The following LMLN variants were observed in gnomAD, a reference collection of about 807,000 sequenced individuals.
LMLN encodes the protein leishmanolysin-like peptidase.
In LMLN, 70 loss-of-function variants were observed where a neutral mutation model predicts 92.3. That is an observed-to-expected ratio of 0.76 (90% CI 0.63 to 0.92). LMLN has a LOEUF of 0.92. Among genes scored for constraint, LMLN ranks in the 40% least tolerant of loss-of-function variants. The pLI is 0.00. For synonymous variants in LMLN, 308 were observed against 296.2 expected (o/e 1.04, Z -0.41); for missense variants, 691 against 814.6 (o/e 0.85, Z 1.85).
intron 11 of LMLN, among the ~76,000 whole-genome samples, chr3:198,011,394 A>G (rs1200180128): frequency 6.6e-6 from 1 of 151,776 alleles, no homozygotes; most frequent in Non-Finnish European, 1.5e-5. Flanking sequence ...TGTCCTTGTG[A>G]TAGTTTGCTG....
intron 11 of LMLN, among the ~76,000 whole-genome samples, chr3:198,007,176 T>C (rs1402247870): frequency 6.6e-6 from 1 of 152,238 alleles, no homozygotes; most frequent in African/African-American, 2.4e-5. Flanking sequence ...GTAGGGCAAA[T>C]GTTTTTAGTT....
intron 1 of LMLN, 127 bp downstream of exon 1, chr3:197,960,567 T>C: frequency 1.2e-6 from 1 of 832,834 alleles, no homozygotes; most frequent in East Asian, 2.7e-5. Context: ...AGCCTGACTC[T>C]TACAGGCCTG....
At chr3:197,962,765 TC>T (rs936577276) in intron 1 of LMLN, among the ~76,000 whole-genome samples, 2 of 149,456 alleles carry the variant, frequency 1.3e-5, no homozygotes, top group African/African-American at 2.4e-5. Context: ...GGGATCAATA[TC>T]CTTTTTTTTT....
chr3:197,979,413 C>T (rs1473092807), intron 5 of LMLN, among the ~76,000 whole-genome samples: 1 of 152,156 alleles, frequency 6.6e-6, no homozygotes, highest in African/African-American at 2.4e-5. Flanking sequence ...GTGACTCACG[C>T]CTGTAATCCC....
At chr3:197,984,466 C>T (rs1423632056) in intron 7 of LMLN, among the ~76,000 whole-genome samples, 2 of 151,466 alleles carry the variant, frequency 1.3e-5, no homozygotes, top group Admixed American at 6.6e-5. Context: ...TATATAGATA[C>T]GGCAGAGCCC....
chr3:197,991,541 C>T (rs1721872197), intron 9 of LMLN, among the ~76,000 whole-genome samples: 1 of 152,114 alleles, frequency 6.6e-6, no homozygotes, highest in South Asian at 2.1e-4. Flanking sequence ...ACTTCTTATT[C>T]AGGGGAGGTC....
intron 14 of LMLN, among the ~76,000 whole-genome samples, chr3:198,028,430 G>T (rs1474266640): frequency 2.0e-5 from 3 of 152,178 alleles, no homozygotes; most frequent in Non-Finnish European, 4.4e-5. Flanking sequence ...CTAAATAATT[G>T]CTGAGACTAA....
intron 11 of LMLN, among the ~76,000 whole-genome samples, chr3:198,002,108 T>C (rs1446799758): frequency 6.6e-6 from 1 of 152,206 alleles, no homozygotes; most frequent in Non-Finnish European, 1.5e-5. Flanking sequence ...TTGCTTTCAA[T>C]TAAATTTGTC....
At chr3:197,966,538 T>A (rs1721065936) in intron 1 of LMLN, among the ~76,000 whole-genome samples, 1 of 151,710 alleles carries the variant, frequency 6.6e-6, no homozygotes, top group African/African-American at 2.4e-5. Context: ...TACCTAGTTT[T>A]CTAAGAGTTT....
chr3:198,009,443 CT>C (rs1205801929), intron 11 of LMLN, among the ~76,000 whole-genome samples: 1 of 152,080 alleles, frequency 6.6e-6, no homozygotes, highest in East Asian at 1.9e-4. Context: ...TTTGTACCAT[CT>C]TTGTCTAGTT....
At chr3:197,963,736 A>C (rs1720971007) in intron 1 of LMLN, among the ~76,000 whole-genome samples, 1 of 152,198 alleles carries the variant, frequency 6.6e-6, no homozygotes, top group Admixed American at 6.5e-5. Flanking sequence ...ATAAATAGGA[A>C]CAATTTTTGT....
exon 16 of LMLN, chr3:198,038,955 A>G (rs1342976534): frequency 1.6e-5 from 5 of 316,510 alleles, no homozygotes. Flanking sequence ...TCAGCAACCC[A>G]GCCACCTTCA....
At chr3:198,030,009 T>G (rs1723036763) in intron 14 of LMLN, among the ~76,000 whole-genome samples, 1 of 150,660 alleles carries the variant, frequency 6.6e-6, no homozygotes, top group Non-Finnish European at 1.5e-5. Flanking sequence ...TGCCTAGCTG[T>G]TTTTTTTTAT....
At position 198,024,729 on chromosome 3, in the gene LMLN, G is replaced by A. The variant is rs766995264; in HGVS notation, c.1597G>A (p.Val533Ile). Residue 533 changes from valine to isoleucine, a missense_variant, in exon 14 of 16, where the codon GTT becomes ATT. Coordinates refer to ENST00000330198, the Ensembl canonical transcript of LMLN. ...TTGTCTAATTCAGAAATCAGCATTC[G>A]TTATGGAGAAGTGTGAGAGGAAGCT... 48 of 1,612,338 alleles carry A rather than the reference G, an allele frequency of 3.0e-5. No homozygotes were observed. The South Asian group carries it at 4.3e-4, about 14-fold the overall frequency.
rs181471741 is a variant in LMLN at position 197,986,870 on chromosome 3, C to T, written c.929+980C>T. Reference sequence around the variant, plus strand: ...TTTTTTTTTTTTTTTGAGACAGTCTCGCTCTGTCGTTCAGGCTGGAGTGCA... The same window carrying T: ...TTTTTTTTTTTTTTTGAGACAGTCTTGCTCTGTCGTTCAGGCTGGAGTGCA... On this transcript the variant is annotated intron_variant, in intron 8 of 15. Transcript: ENST00000330198. 3.8e-4 allele frequency among the ~76,000 whole-genome samples: 55 copies of T among 145,630 alleles called. No individual in the cohort carries two copies. The East Asian group carries it at 7.7e-3, about 20-fold the overall frequency.
chr3:198,015,739 A>C (rs1039513343), intron 11 of LMLN, among the ~76,000 whole-genome samples: 2 of 151,634 alleles, frequency 1.3e-5, no homozygotes, highest in African/African-American at 4.9e-5. Context: ...GAGTCCCCTA[A>C]CTAGTCTGAC....
intron 1 of LMLN, among the ~76,000 whole-genome samples, chr3:197,973,605 T>C (rs1721290657): frequency 6.6e-6 from 1 of 152,086 alleles, no homozygotes; most frequent in African/African-American, 2.4e-5. Flanking sequence ...TAGGTTGGAA[T>C]GGAATGAGTA....
intron 1 of LMLN, among the ~76,000 whole-genome samples, chr3:197,966,471 T>C (rs1325039207): frequency 6.6e-6 from 1 of 152,196 alleles, no homozygotes; most frequent in Non-Finnish European, 1.5e-5. Flanking sequence ...GTTAAAAATA[T>C]TAATTGTGGA....
rs749679003 is a variant in LMLN, at chr3:198,021,543, G to C, written c.1463G>C (p.Ser488Thr). 6.8e-6 allele frequency: 11 copies of C among 1,614,176 alleles called. No homozygotes were observed. In the South Asian group the frequency reaches 1.2e-4, roughly 18 times the overall value. ...TACTGCCCTTTCAGTCAGGAATTCAGTTGGCATTTAAGTGGTGAATATCAG... is the reference window on the plus strand; with the variant it reads ...TACTGCCCTTTCAGTCAGGAATTCACTTGGCATTTAAGTGGTGAATATCAG... The change falls in exon 13 of 16, where the codon AGT becomes ACT. Residue 488 changes from serine (S) to threonine (T), a missense_variant. Physicochemically the swap from Ser to Thr is moderately conservative, Grantham distance 58. Transcript: ENST00000330198.
Sources: gnomAD v4.1 joint callset for allele counts (sites outside exome capture counted in the v4.1 genomes callset) on GRCh38, gnomAD v4.1.1 for gene constraint, MANE v1.5 for transcripts, NCBI Gene and HGNC (gene_info 2026-07-23, HGNC 2026-07-21) for gene names.